CD302: variants seen among roughly 807,000 people sequenced by gnomAD.
CD302 encodes the protein CD302 molecule, also known as CD302 antigen.
In CD302, 23 loss-of-function variants were observed where a neutral mutation model predicts 26.5. That is an observed-to-expected ratio of 0.87 (90% CI 0.62 to 1.23). The LOEUF (loss-of-function observed/expected upper bound fraction) is 1.23. Among genes scored for constraint, CD302 ranks in the 50% most tolerant of loss-of-function variants. The pLI is 0.00. For synonymous variants in CD302, 90 were observed against 99.4 expected, an observed-to-expected ratio of 0.91 and a Z score of 0.56; for missense variants, 290 against 275.5, an observed-to-expected ratio of 1.05 and a Z score of -0.37.
chr2:159,795,705 G>A (rs1362708349), intron 1 of CD302, among the ~76,000 whole-genome samples: 1 of 152,218 alleles, frequency 6.6e-6, no homozygotes, highest in Non-Finnish European at 1.5e-5. Flanking sequence ...AGGTGTTGGA[G>A]TACCCAGATA....
chr2:159,797,630 T>G (rs1408983879), intron 1 of CD302, among the ~76,000 whole-genome samples: 1 of 152,176 alleles, frequency 6.6e-6, no homozygotes, highest in Non-Finnish European at 1.5e-5. Context: ...TTTAAACAAC[T>G]TGAACACCAA....
intron 4 of CD302, among the ~76,000 whole-genome samples, chr2:159,778,348 G>GT: frequency 6.6e-6 from 1 of 152,302 alleles, no homozygotes. Flanking sequence ...TATTTCTGAT[G>GT]TTTTGAAGTT....
chr2:159,772,663 C>T lies in CD302; in HGVS notation c.497-610G>A, dbSNP rs1385206570. On this transcript the variant is annotated intron_variant, in intron 5 of 5. Coordinates refer to ENST00000259053, the MANE Select transcript of CD302 (RefSeq NM_014880.5). Reference sequence around the variant, plus strand: ...AGGAAAATAACCTGGTTTAGGAGAACAAACATACTTTTGGGCAGGTACTTG... The same window carrying T: ...AGGAAAATAACCTGGTTTAGGAGAATAAACATACTTTTGGGCAGGTACTTG... Among the ~76,000 whole-genome samples, 3 of 151,968 alleles carry T rather than the reference C, an allele frequency of 2.0e-5. No individual in the cohort carries two copies. In the East Asian group the frequency reaches 5.8e-4, roughly 30 times the overall value.
intron 5 of CD302, among the ~76,000 whole-genome samples, chr2:159,775,570 A>T (rs1708288909): frequency 6.6e-6 from 1 of 152,248 alleles, no homozygotes; most frequent in Non-Finnish European, 1.5e-5. Context: ...CTGTTGCTTC[A>T]GCTATTTATC....
In CD302 at chr2:159,781,150, G is replaced by T. The variant is rs547559249; in HGVS notation, c.179-152C>A. The T allele has an allele frequency of 7.4e-5, 47 of 637,410 alleles. 1 individual carries two copies. The South Asian group carries it at 9.2e-4, about 13-fold the overall frequency. The allele number at this position is 637,410 out of a possible 1,614,324, so 39.5% of individuals were successfully genotyped here. A position where few individuals can be genotyped will look rare whatever the true frequency, so the allele number is the denominator to read the frequency against. ...TCTTACAGTTCATACAAGCTAATAA[G>T]GTTACAGGGACATGTCTTGGCTCTC... On this transcript the variant is annotated intron_variant, in intron 2 of 5. Coordinates refer to ENST00000259053, the MANE Select transcript of CD302 (RefSeq NM_014880.5).
At chr2:159,786,916 C>G (rs929127651) in intron 1 of CD302, among the ~76,000 whole-genome samples, 7 of 152,196 alleles carry the variant, frequency 4.6e-5, no homozygotes, top group East Asian at 1.9e-4. Context: ...AACCTAACTT[C>G]TAACACCATC....
chr2:159,779,208 G>T (rs977003070), intron 4 of CD302, among the ~76,000 whole-genome samples: 1 of 133,368 alleles, frequency 7.5e-6, no homozygotes, highest in Non-Finnish European at 1.6e-5. Flanking sequence ...TCCAGCCTGG[G>T]CGACAGAGAG....
chr2:159,775,170 T>G (rs1708273105), intron 5 of CD302, among the ~76,000 whole-genome samples: 1 of 152,228 alleles, frequency 6.6e-6, no homozygotes, highest in Non-Finnish European at 1.5e-5. Flanking sequence ...GAATGTATGC[T>G]TGAGAGCAGA....
intron 1 of CD302, among the ~76,000 whole-genome samples, chr2:159,790,864 A>G (rs568518319): frequency 6.6e-6 from 1 of 152,352 alleles, no homozygotes; most frequent in South Asian, 2.1e-4. Context: ...AAATGAATTA[A>G]TTTTTGAAAC....
rs71406197 is a variant in CD302, at chr2:159,776,012, C to CTTTTTTTTTTTTTTTTT, written c.496+1909_496+1925dup. ...TGCAGCCTCTGCCTCCGGGTTTCAACTTTTTTTTTTTTTTTTTTAAAGTAG... is the reference window on the plus strand; with the variant it reads ...TGCAGCCTCTGCCTCCGGGTTTCAACTTTTTTTTTTTTTTTTTTTTTTTTTTTTTTTTTTTAAAGTAG... On this transcript the variant is annotated intron_variant, in intron 5 of 5. Coordinates refer to ENST00000259053, the MANE Select transcript of CD302 (RefSeq NM_014880.5). 9.1e-3 allele frequency among the ~76,000 whole-genome samples: 737 copies of CTTTTTTTTTTTTTTTTT among 81,210 alleles called. 171 individuals carry two copies. The highest frequency in any genetic ancestry group is 0.017 in the South Asian group (33 of 1,894). 53.3% of individuals were successfully genotyped at this position (81,210 alleles called of 152,430 possible).
At chr2:159,798,024 G>A (rs1682522096) in intron 1 of CD302, 108 bp downstream of exon 1, 3 of 1,083,662 alleles carry the variant, frequency 2.8e-6, no homozygotes, top group East Asian at 6.5e-5. Context: ...CCGGCCGGGT[G>A]TTGCGTCTGC....
chr2:159,789,521 A>G (rs1466383737), intron 1 of CD302, among the ~76,000 whole-genome samples: 1 of 147,232 alleles, frequency 6.8e-6, no homozygotes, highest in Non-Finnish European at 1.5e-5. Flanking sequence ...TCTGTTCTCT[A>G]CTCTCCTACC....
At chr2:159,781,063 A>G in intron 2 of CD302, 65 bp from the exon 3 acceptor site, 1 of 1,243,360 alleles carries the variant, frequency 8.0e-7, no homozygotes. Flanking sequence ...CACTAGGTAC[A>G]TAAAAATAAT....
rs1167458227 is a variant in CD302, at chr2:159,798,150, C to T, written c.49G>A (p.Ala17Thr). 2 of 1,484,590 alleles carry T rather than the reference C, an allele frequency of 1.3e-6. No homozygotes were observed. Among genetic ancestry groups the T allele is most frequent in the Non-Finnish European group, 1.8e-6 (2 of 1,123,128 alleles). 92.0% of individuals were successfully genotyped at this position (1,484,590 alleles called of 1,614,324 possible). Residue 17 changes from alanine (A) to threonine (T), a missense_variant, in exon 1 of 6, where the codon GCC becomes ACC. By Grantham distance (58) the Ala-to-Thr change is moderately conservative. Transcript: ENST00000259053. ...PALLLPLLGLAAAAVADCPSS... is the reference protein window; with the variant it reads ...PALLLPLLGLTAAAVADCPSS... The stretch of plus-strand genomic sequence containing the variant: ...GGCTTACCCGCGACGGCAGCAGCGG[C>T]GAGGCCCAGCAACGGCAGCAGGAGC...
At chr2:159,773,921 G>A (rs1708233108) in intron 5 of CD302, among the ~76,000 whole-genome samples, 1 of 151,898 alleles carries the variant, frequency 6.6e-6, no homozygotes, top group African/African-American at 2.4e-5. Flanking sequence ...CCTTACTTGA[G>A]GAAACAGCAA....
At chr2:159,772,599 C>T (rs1708186077) in intron 5 of CD302, among the ~76,000 whole-genome samples, 1 of 152,020 alleles carries the variant, frequency 6.6e-6, no homozygotes, top group African/African-American at 2.4e-5. Flanking sequence ...CTATTCAAAC[C>T]CTTGTAATCT....
At chr2:159,797,699 C>A (rs910718628) in intron 1 of CD302, among the ~76,000 whole-genome samples, 4 of 152,176 alleles carry the variant, frequency 2.6e-5, no homozygotes, top group African/African-American at 9.7e-5. Flanking sequence ...GCCCCCACCC[C>A]CATCCCAGCA....
At position 159,771,661 on chromosome 2, in the gene CD302, TC is replaced by T; in HGVS notation, c.*189del. The T allele has an allele frequency of 4.7e-6, 3 of 632,968 alleles. No individual in the cohort carries two copies. The highest frequency in any genetic ancestry group is 7.8e-6 in the Non-Finnish European group (3 of 385,952). The allele number at this position is 632,968 out of a possible 1,614,324, so 39.2% of individuals were successfully genotyped here. A position where few individuals can be genotyped will look rare whatever the true frequency, so the allele number is the denominator to read the frequency against. ...TAAAATCACTATATTAGATCTAAGATCATTTCTAAAACCTGTTTTTTTAATG... is the reference window on the plus strand; with the variant it reads ...TAAAATCACTATATTAGATCTAAGATATTTCTAAAACCTGTTTTTTTAATG... On this transcript the variant is annotated 3_prime_UTR_variant, in exon 6 of 6. Transcript: ENST00000259053.
At chr2:159,792,899 C>T (rs1490599539) in intron 1 of CD302, among the ~76,000 whole-genome samples, 1 of 152,078 alleles carries the variant, frequency 6.6e-6, no homozygotes, top group Non-Finnish European at 1.5e-5. Context: ...TATAGATCCC[C>T]GATCAGAGTG....
Sources: gnomAD v4.1 joint callset for allele counts (sites outside exome capture counted in the v4.1 genomes callset) on GRCh38, gnomAD v4.1.1 for gene constraint, MANE v1.5 for transcripts, NCBI Gene and HGNC (gene_info 2026-07-23, HGNC 2026-07-21) for gene names.